The following SLC35A2 variants were observed in gnomAD, a reference collection of about 807,000 sequenced individuals.
The protein encoded by SLC35A2 is solute carrier family 35 member A2.
Under a neutral mutation model 17.3 loss-of-function variants are expected in SLC35A2, and 1 was observed. The observed-to-expected ratio is 0.06, with a 90% CI of 0.02 to 0.27. The LOEUF (loss-of-function observed/expected upper bound fraction) is 0.27. Ranked by LOEUF, SLC35A2 falls within the 10% of genes least tolerant of loss-of-function variation. The pLI is 1.00. For synonymous variants in SLC35A2, 161 were observed against 161.3 expected, an observed-to-expected ratio of 1.00 and a Z score of 0.01; for missense variants, 191 against 339.3, an observed-to-expected ratio of 0.56 and a Z score of 3.43.
At chrX:48,907,654 G>T (rs1460097279) in intron 2 of SLC35A2, among the ~76,000 whole-genome samples, 29 of 112,447 alleles carry the variant, frequency 2.6e-4, no homozygotes, top group Non-Finnish European at 5.3e-4. Flanking sequence ...TAGACACAGA[G>T]TTGCCTCTGC....
rs782593407 is a variant in SLC35A2 at position 48,909,920 on chromosome X, G to A, written c.168C>T (p.Tyr56=). ...QNASLILSIR[Y]ARTLPGDRFF... is the part of the protein sequence containing the mutation. ...AGCGGTCCCCTGGCAACGTGCGGGC[G>A]TAGCGGATGCTGAGGATGAGGGAGG... Residue 56 remains tyrosine, a synonymous_variant, in exon 2 of 5, where the codon TAC becomes TAT. Coordinates refer to ENST00000247138, the MANE Select transcript of SLC35A2 (RefSeq NM_005660.3). 7.4e-6 allele frequency: 9 copies of A among 1,210,251 alleles called. No homozygotes were observed. The highest frequency in any genetic ancestry group is 3.0e-5 in the East Asian group (1 of 33,852).
At chrX:48,911,745 C>T (rs1557044173), upstream of SLC35A2, 11 of 1,159,659 alleles carry the variant, frequency 9.5e-6, no homozygotes, top group Non-Finnish European at 1.0e-5. Flanking sequence ...CCGGGATCGT[C>T]AGGGTGGTGG....
At chrX:48,910,649 C>A (rs2063526245) in intron 1 of SLC35A2, among the ~76,000 whole-genome samples, 1 of 111,220 alleles carries the variant, frequency 9.0e-6, no homozygotes, top group Non-Finnish European at 1.9e-5. Context: ...GAATGGCCTA[C>A]ATCCCATATG....
At chrX:48,910,025 A>G in intron 1 of SLC35A2, 29 bp from the exon 2 acceptor site, 1 of 1,167,023 alleles carries the variant, frequency 8.6e-7, no homozygotes, top group Non-Finnish European at 1.2e-6. Flanking sequence ...GCAAGGGGGA[A>G]GGACGGGGTC....
At chrX:48,907,483 G>A (rs192797456) in intron 2 of SLC35A2, among the ~76,000 whole-genome samples, 4 of 111,059 alleles carry the variant, frequency 3.6e-5, no homozygotes, top group Non-Finnish European at 5.7e-5. Flanking sequence ...TCCTGACCTC[G>A]TGATCCGCCT....
At chrX:48,906,668 G>A (rs1207261600) in intron 2 of SLC35A2, 125 bp from the exon 3 acceptor site, 29 of 588,048 alleles carry the variant, frequency 4.9e-5, no homozygotes, top group Non-Finnish European at 7.3e-5. Flanking sequence ...CCTGGAGGCT[G>A]GAATGAAGTA....
At chrX:48,910,171 C>G (rs1282793668) in intron 1 of SLC35A2, 175 bp from the exon 2 acceptor site, 3 of 945,306 alleles carry the variant, frequency 3.2e-6, no homozygotes, top group Admixed American at 2.6e-5. Flanking sequence ...CGGCTTACTG[C>G]CTCAGCCATG....
rs2063456251 is a variant in SLC35A2 at position 48,903,298 on chromosome X, C to T, written c.*140G>A. The T allele has an allele frequency of 1.5e-6, 1 of 660,096 alleles. No individual in the cohort carries two copies. Among genetic ancestry groups the T allele is most frequent in the Admixed American group, 2.7e-5 (1 of 37,633 alleles). 54.4% of individuals were successfully genotyped at this position (660,096 alleles called of 1,213,427 possible). Reference sequence around the variant, plus strand: ...ATGAGAGAGCTTAGTCATGTTGGCCCTGGGTGGGGCAGGGGTGGTGGGGAC... The same window carrying T: ...ATGAGAGAGCTTAGTCATGTTGGCCTTGGGTGGGGCAGGGGTGGTGGGGAC... On this transcript the variant is annotated 3_prime_UTR_variant, in exon 5 of 5. Coordinates refer to ENST00000247138, the MANE Select transcript of SLC35A2 (RefSeq NM_005660.3).
At chrX:48,911,708 G>C (rs1356737918), upstream of SLC35A2, 4 of 1,154,321 alleles carry the variant, frequency 3.5e-6, no homozygotes, top group Non-Finnish European at 4.6e-6. Context: ...CCGCTGCCGG[G>C]CCACCTGAGT....
At chrX:48,903,785 G>A (rs928316003) in intron 4 of SLC35A2, 29 of 891,884 alleles carry the variant, frequency 3.3e-5, no homozygotes, top group Admixed American at 2.8e-4. Flanking sequence ...CACACACCCC[G>A]CCCCGATACA....
In SLC35A2 at chrX:48,911,540, T is replaced by G; in HGVS notation, c.91+6A>C. 2.6e-6 allele frequency: 3 copies of G among 1,160,666 alleles called. No individual in the cohort carries two copies. The highest frequency in any genetic ancestry group is 3.4e-6 in the Non-Finnish European group (3 of 873,450). On this transcript the variant is annotated splice_donor_region_variant and intron_variant, in intron 1 of 4. Transcript: ENST00000247138. ...CCCATGCGACTGCTCGGGCAGACTGTCTCACCCGCACTGGCGGTCCCCGGC... is the reference window on the plus strand; with the variant it reads ...CCCATGCGACTGCTCGGGCAGACTGGCTCACCCGCACTGGCGGTCCCCGGC...
chrX:48,906,482 C>T lies in SLC35A2; in HGVS notation c.336G>A (p.Thr112=). Reference sequence around the variant, plus strand: ...TGAGAGAGGGCACTGCGAGCTTGAGCGTGTCCACATACTGCACCAGGACAG... The same window carrying T: ...TGAGAGAGGGCACTGCGAGCTTGAGTGTGTCCACATACTGCACCAGGACAG... ...HEAVLVQYVD[T]LKLAVPSLIY... The change falls in exon 3 of 5, where the codon ACG becomes ACA. Residue 112 remains threonine (T), a synonymous_variant. Transcript: ENST00000247138. The T allele has an allele frequency of 1.7e-6, 2 of 1,208,337 alleles. No homozygotes were observed. Among genetic ancestry groups the T allele is most frequent in the Non-Finnish European group, 2.2e-6 (2 of 893,016 alleles).
At chrX:48,908,666 A>ATT (rs2063509888) in intron 2 of SLC35A2, among the ~76,000 whole-genome samples, 1 of 111,958 alleles carries the variant, frequency 8.9e-6, no homozygotes, top group African/African-American at 3.3e-5. Context: ...TCCATCAGCA[A>ATT]TGAGGACAAG....
Position 48,909,938 on chromosome X carries a change from G to T in SLC35A2, c.150C>A (p.Leu50=), listed in dbSNP as rs782424319. Residue 50 remains leucine, a synonymous_variant, in exon 2 of 5, where the codon CTC becomes CTA. Coordinates refer to ENST00000247138, the MANE Select transcript of SLC35A2 (RefSeq NM_005660.3). The part of the protein sequence containing the change: ...LAVLVVQNAS[L]ILSIRYARTL... The stretch of plus-strand genomic sequence containing the variant: ...TGCGGGCGTAGCGGATGCTGAGGAT[G>T]AGGGAGGCATTCTGGACCACCAGCA... The T allele has an allele frequency of 3.3e-6, 4 of 1,209,262 alleles. No homozygotes were observed. In the African/African-American group the frequency reaches 7.0e-5, roughly 21 times the overall value.
chrX:48,903,194 A>G lies in SLC35A2; in HGVS notation c.*244T>C. 1 of 1,129,829 alleles carries G rather than the reference A, an allele frequency of 8.9e-7. No homozygotes were observed. The highest frequency in any genetic ancestry group is 1.2e-6 in the Non-Finnish European group (1 of 839,485). The allele number at this position is 1,129,829 out of a possible 1,213,427, so 93.1% of individuals were successfully genotyped here. On this transcript the variant is annotated 3_prime_UTR_variant, in exon 5 of 5. Coordinates refer to ENST00000247138, the MANE Select transcript of SLC35A2 (RefSeq NM_005660.3). ...CCCAACCCAAGTCGGCAAGATACAC[A>G]ACACATTTTATTTGCAAAAACTCAG... is the stretch of plus-strand genomic sequence containing the variant.
rs781849779 is a variant in SLC35A2 at position 48,910,287 on chromosome X, G to A, written c.92-291C>T. ...TGGCTGAGGCAAACCCTGGCCACGC[G>A]CCTCGGCTTCCTCCCAAGTGAGAAG... On this transcript the variant is annotated intron_variant, in intron 1 of 4. Transcript: ENST00000247138. 28 of 1,139,748 alleles carry A rather than the reference G, an allele frequency of 2.5e-5. No homozygotes were observed. In the African/African-American group the frequency reaches 3.8e-4, roughly 15 times the overall value. 93.9% of individuals were successfully genotyped at this position (1,139,748 alleles called of 1,213,427 possible). A position where few individuals can be genotyped will look rare whatever the true frequency, so the allele number is the denominator to read the frequency against.
At chrX:48,910,936 C>A (rs1557043927) in intron 1 of SLC35A2, among the ~76,000 whole-genome samples, 1 of 110,720 alleles carries the variant, frequency 9.0e-6, no homozygotes, top group African/African-American at 3.3e-5. Context: ...CCCACACTCA[C>A]AATGAGCTCT....
chrX:48,903,940 T>C, intron 4 of SLC35A2: 2 of 761,818 alleles, frequency 2.6e-6, no homozygotes, highest in Non-Finnish European at 3.1e-6. Context: ...CTCCTAGACA[T>C]CTCCAAAAAT....
chrX:48,904,524 G>A, intron 4 of SLC35A2: 2 of 1,144,957 alleles, frequency 1.7e-6, no homozygotes, highest in Non-Finnish European at 2.3e-6. Context: ...TCCAGGGGAA[G>A]GGGGTCACCC....
Sources: gnomAD v4.1 joint callset for allele counts (sites outside exome capture counted in the v4.1 genomes callset) on GRCh38, gnomAD v4.1.1 for gene constraint, MANE v1.5 for transcripts, NCBI Gene and HGNC (gene_info 2026-07-23, HGNC 2026-07-21) for gene names.